Variants in SCHIP1 observed in about 807,000 individuals in gnomAD.
SCHIP1 encodes the protein schwannomin interacting protein 1, also known as schwannomin-interacting protein 1.
Under a neutral mutation model 29.7 loss-of-function variants are expected in SCHIP1, and 8 were observed. That is an observed-to-expected ratio of 0.27 (90% CI 0.16 to 0.49). The LOEUF is 0.49. SCHIP1 is among the 20% of genes least tolerant of loss of function. The pLI is 0.99. For synonymous variants in SCHIP1, 76 were observed against 94.9 expected (o/e 0.80, Z 1.16); for missense variants, 193 against 294.6 (o/e 0.66, Z 2.52).
chr3:159,794,544 C>G, the SCHIP1 span, among the ~76,000 whole-genome samples: 1 of 152,068 alleles, frequency 6.6e-6, no homozygotes, highest in Non-Finnish European at 1.5e-5. Flanking sequence ...TGTGTTAGAC[C>G]CCCCTACATA....
At chr3:159,738,506 G>T in the SCHIP1 span, among the ~76,000 whole-genome samples, 2 of 152,072 alleles carry the variant, frequency 1.3e-5, no homozygotes, top group Non-Finnish European at 2.9e-5. Flanking sequence ...TATTTTTAGC[G>T]TCTTAGTGCT....
At chr3:159,294,003 C>T in the SCHIP1 span, among the ~76,000 whole-genome samples, 3 of 152,106 alleles carry the variant, frequency 2.0e-5, no homozygotes, top group African/African-American at 7.2e-5. Context: ...TGTCCAAAGA[C>T]AGTAATCTGT....
At chr3:159,637,525 A>T in the SCHIP1 span, among the ~76,000 whole-genome samples, 2 of 152,188 alleles carry the variant, frequency 1.3e-5, no homozygotes, top group African/African-American at 4.8e-5. Flanking sequence ...AAATAGAGAC[A>T]TTAGCCAGGC....
the SCHIP1 span, among the ~76,000 whole-genome samples, chr3:159,633,020 C>T: frequency 1.3e-5 from 2 of 152,196 alleles, no homozygotes; most frequent in Non-Finnish European, 2.9e-5. Context: ...ACAGTGAAAA[C>T]CTTCTCCTAG....
chr3:159,336,331 A>G, the SCHIP1 span, among the ~76,000 whole-genome samples: 4 of 152,184 alleles, frequency 2.6e-5, no homozygotes, highest in Non-Finnish European at 4.4e-5. Flanking sequence ...TTTGCTGTGC[A>G]GAAGCTCTTT....
the SCHIP1 span, among the ~76,000 whole-genome samples, chr3:159,437,470 TTATTTC>T: frequency 1.3e-5 from 2 of 152,170 alleles, no homozygotes; most frequent in Admixed American, 6.6e-5. Flanking sequence ...TTACAGATAT[TTATTTC>T]ATTCTTGACT....
the SCHIP1 span, among the ~76,000 whole-genome samples, chr3:159,444,917 T>C: frequency 6.6e-6 from 1 of 152,118 alleles, no homozygotes; most frequent in African/African-American, 2.4e-5. Context: ...TGGGGGAACA[T>C]TAGAAAATTC....
At chr3:159,442,987 A>G in the SCHIP1 span, among the ~76,000 whole-genome samples, 1 of 152,232 alleles carries the variant, frequency 6.6e-6, no homozygotes, top group African/African-American at 2.4e-5. Flanking sequence ...TAGCTGTTAC[A>G]TTAACAATTA....
At chr3:159,746,553 T>G in the SCHIP1 span, among the ~76,000 whole-genome samples, 3 of 51,728 alleles carry the variant, frequency 5.8e-5, no homozygotes, top group Non-Finnish European at 1.9e-4. Context: ...TAAAATTTAG[T>G]TTTTTTTCAA....
chr3:159,839,155 A>G (rs1407961036), upstream of SCHIP1, among the ~76,000 whole-genome samples: 5 of 151,832 alleles, frequency 3.3e-5, no homozygotes, highest in East Asian at 9.7e-4. Flanking sequence ...TCCTTTGAGT[A>G]TTGTCCGCAA....
At chr3:159,837,425 A>G (rs553356701), upstream of SCHIP1, among the ~76,000 whole-genome samples, 2 of 152,312 alleles carry the variant, frequency 1.3e-5, no homozygotes, top group Non-Finnish European at 2.9e-5. Flanking sequence ...GCTCATATTT[A>G]GAATTCCAGA....
At chr3:159,698,612 AACTT>A in the SCHIP1 span, among the ~76,000 whole-genome samples, 1 of 152,080 alleles carries the variant, frequency 6.6e-6, no homozygotes, top group African/African-American at 2.4e-5. Flanking sequence ...TGAGGAATTG[AACTT>A]ACTTAGTTCT....
chr3:159,401,342 C>A, the SCHIP1 span: 1 of 968,922 alleles, frequency 1.0e-6, no homozygotes, highest in Non-Finnish European at 1.2e-6. Flanking sequence ...GGCATCTAGA[C>A]TAAGTGGGAT....
the SCHIP1 span, among the ~76,000 whole-genome samples, chr3:159,805,241 T>C: frequency 6.6e-6 from 1 of 152,178 alleles, no homozygotes; most frequent in Non-Finnish European, 1.5e-5. Context: ...ATTAGACTCC[T>C]GCTGTTCTGA....
At chr3:159,852,684 A>G (rs905595137) in intron 1 of SCHIP1, among the ~76,000 whole-genome samples, 7 of 152,182 alleles carry the variant, frequency 4.6e-5, no homozygotes, top group Non-Finnish European at 1.0e-4. Context: ...CTCCCAGGGC[A>G]GAAGGGTCCT....
chr3:159,517,543 T>C, the SCHIP1 span, among the ~76,000 whole-genome samples: 1 of 152,144 alleles, frequency 6.6e-6, no homozygotes, highest in Non-Finnish European at 1.5e-5. Flanking sequence ...AAGGTGTTAT[T>C]ACTGATATGA....
the SCHIP1 span, among the ~76,000 whole-genome samples, chr3:159,538,916 T>C: frequency 6.6e-6 from 1 of 152,148 alleles, no homozygotes; most frequent in South Asian, 2.1e-4. Flanking sequence ...TATCTATGCC[T>C]CTATAAGAAC....
the SCHIP1 span, among the ~76,000 whole-genome samples, chr3:159,834,288 A>T: frequency 1.5e-4 from 23 of 152,368 alleles, no homozygotes; most frequent in African/African-American, 4.6e-4. Flanking sequence ...ACATTAAATA[A>T]GTGAATAACC....
At chr3:159,379,046 A>G in the SCHIP1 span, among the ~76,000 whole-genome samples, 1 of 152,192 alleles carries the variant, frequency 6.6e-6, no homozygotes, top group Non-Finnish European at 1.5e-5. Context: ...CACATTTGTA[A>G]CAGTGGCTGT....
Sources: allele counts gnomAD v4.1 joint callset (sites outside exome capture counted in the v4.1 genomes callset), GRCh38; gene constraint gnomAD v4.1.1; transcripts MANE v1.5; gene names NCBI Gene and HGNC (gene_info 2026-07-23, HGNC 2026-07-21).